The following MGA variants were observed in gnomAD, a reference collection of about 807,000 sequenced individuals.
MGA encodes MAX gene-associated protein.
A neutral mutation model predicts 261.1 loss-of-function variants in MGA; 40 were observed. That is an observed-to-expected ratio of 0.15 (90% CI 0.12 to 0.20). MGA has a LOEUF of 0.20. Ranked by LOEUF, MGA falls within the 10% of genes least tolerant of loss-of-function variation. MGA has a pLI of 1.00. For missense variants in MGA, 3,397 were observed against 3,630.5 expected, an observed-to-expected ratio of 0.94 and a Z score of 1.65; for synonymous variants, 1,302 against 1,290.6, an observed-to-expected ratio of 1.01 and a Z score of -0.19.
Position 41,710,950 on chromosome 15 carries a change from T to C in MGA, c.2685T>C (p.Ser895=), listed in dbSNP as rs1567015079. The C allele has an allele frequency of 2.5e-6, 4 of 1,613,998 alleles. No homozygotes were observed. The highest frequency in any genetic ancestry group is 3.4e-6 in the Non-Finnish European group (4 of 1,179,888). The change falls in exon 8 of 24, where the codon TCT becomes TCC. Residue 895 remains serine (S), a synonymous_variant. Coordinates refer to ENST00000219905, the MANE Select transcript of MGA (RefSeq NM_001164273.2). ...AACCTCATTCTGTACCCCCTGTCTC[T>C]CGAAAGGCAAAGTCTCAAAACAGAC...
chr15:41,677,618 T>C (rs2058454287), intron 2 of MGA, among the ~76,000 whole-genome samples: 1 of 152,254 alleles, frequency 6.6e-6, no homozygotes. Context: ...CTTAACTGTT[T>C]TTAATAATAG....
chr15:41,670,682 A>G (rs2058002793), intron 2 of MGA, among the ~76,000 whole-genome samples: 1 of 151,772 alleles, frequency 6.6e-6, no homozygotes, highest in Non-Finnish European at 1.5e-5. Flanking sequence ...ATTTTTCTAT[A>G]TTTTTGGTAG....
rs568887052 is a variant in MGA, at chr15:41,718,872, A to G, written c.3430+5376A>G. ...GGAATGAGGAAGAATGCCCATTTTT[A>G]CCACTTCTGTTTAACGTTATGTACA... On this transcript the variant is annotated intron_variant, in intron 9 of 23. Coordinates refer to ENST00000219905, the MANE Select transcript of MGA (RefSeq NM_001164273.2). Among the ~76,000 whole-genome samples the G allele has an allele frequency of 6.6e-5, 10 of 152,278 alleles. No homozygotes were observed. In the South Asian group the frequency reaches 1.9e-3, roughly 28 times the overall value.
chr15:41,631,647 C>T (rs1016533755), intron 1 of MGA, among the ~76,000 whole-genome samples: 1 of 151,994 alleles, frequency 6.6e-6, no homozygotes, highest in African/African-American at 2.4e-5. Flanking sequence ...TGTCTTTCCA[C>T]TTAAAGGGGT....
intron 19 of MGA, 79 bp downstream of exon 19, chr15:41,757,918 C>T (rs2063235849): frequency 2.4e-6 from 3 of 1,235,682 alleles, no homozygotes; most frequent in Non-Finnish European, 2.3e-6. Context: ...ACAACATTAG[C>T]TATATTAGCC....
At chr15:41,742,362 C>G (rs2062161999) in intron 14 of MGA, among the ~76,000 whole-genome samples, 184 bp from the exon 15 acceptor site, 1 of 151,878 alleles carries the variant, frequency 6.6e-6, no homozygotes, top group Non-Finnish European at 1.5e-5. Context: ...GCACTCTAGC[C>G]TGGGCAACAA....
At chr15:41,637,533 G>C (rs2056735328) in intron 1 of MGA, among the ~76,000 whole-genome samples, 1 of 152,134 alleles carries the variant, frequency 6.6e-6, no homozygotes, top group African/African-American at 2.4e-5. Flanking sequence ...GTTAGGTAAA[G>C]GCTCCCAGAA....
Position 41,754,579 on chromosome 15 carries a change from T to C in MGA, c.7139+12T>C. 6.4e-7 allele frequency: 1 copy of C among 1,555,808 alleles called. No homozygotes were observed. The highest frequency in any genetic ancestry group is 8.7e-7 in the Non-Finnish European group (1 of 1,152,362). ...TCATTCAAACAGCCGTAAGTCTTAT[T>C]TCTCTTTGGATTGTTGTTTTTGTAG... On this transcript the variant is annotated intron_variant, in intron 18 of 23. Coordinates refer to ENST00000219905, the MANE Select transcript of MGA (RefSeq NM_001164273.2).
At chr15:41,641,565 C>T (rs2056820415) in intron 1 of MGA, among the ~76,000 whole-genome samples, 2 of 148,676 alleles carry the variant, frequency 1.3e-5, no homozygotes, top group African/African-American at 5.0e-5. Flanking sequence ...TCTTAGCTCA[C>T]TGCAACCTCT....
At chr15:41,663,760 C>A (rs1011270390) in intron 1 of MGA, among the ~76,000 whole-genome samples, 3 of 152,042 alleles carry the variant, frequency 2.0e-5, no homozygotes, top group African/African-American at 7.2e-5. Flanking sequence ...CGCGAGCCAC[C>A]GCTCCCGGCC....
At chr15:41,708,748 C>G (rs1464823011) in intron 7 of MGA, among the ~76,000 whole-genome samples, 1 of 152,164 alleles carries the variant, frequency 6.6e-6, no homozygotes, top group African/African-American at 2.4e-5. Context: ...AACAGCATTT[C>G]TGTTATTTCT....
intron 13 of MGA, among the ~76,000 whole-genome samples, chr15:41,739,274 A>G (rs2061961053): frequency 6.6e-6 from 1 of 152,218 alleles, no homozygotes; most frequent in Admixed American, 6.5e-5. Flanking sequence ...AATTATGTCT[A>G]GAATAAGAAT....
intron 9 of MGA, among the ~76,000 whole-genome samples, chr15:41,725,506 T>C (rs1178575934): frequency 5.9e-5 from 9 of 152,084 alleles, no homozygotes; most frequent in Non-Finnish European, 1.2e-4. Context: ...TGCCACTACT[T>C]GGGCAACAGA....
Position 41,756,977 on chromosome 15 carries a change from T to TTA in MGA, c.7140-810_7140-809dup, listed in dbSNP as rs1595997261. On this transcript the variant is annotated intron_variant, in intron 18 of 23. Coordinates refer to ENST00000219905, the MANE Select transcript of MGA (RefSeq NM_001164273.2). Reference sequence around the variant, plus strand: ...ATATTTAAAGTGGTACTTTTTTTGTTTAGATATATATATATATATTTCTAG... The same window carrying TTA: ...ATATTTAAAGTGGTACTTTTTTTGTTTATAGATATATATATATATATTTCTAG... Among the ~76,000 whole-genome samples, 4 of 63,296 alleles carry TTA rather than the reference T, an allele frequency of 6.3e-5. No homozygotes were observed. In the South Asian group the frequency reaches 2.5e-3, roughly 39 times the overall value. The allele number at this position is 63,296 out of a possible 152,430, so 41.5% of individuals were successfully genotyped here.
At chr15:41,759,482 T>G (rs1408816428) in intron 19 of MGA, among the ~76,000 whole-genome samples, 1 of 148,640 alleles carries the variant, frequency 6.7e-6, no homozygotes, top group Admixed American at 6.7e-5. Flanking sequence ...TTTTTTTTTT[T>G]TGTAAAGATG....
chr15:41,737,776 T>TG (rs1313403338), intron 13 of MGA, among the ~76,000 whole-genome samples: 3 of 151,366 alleles, frequency 2.0e-5, no homozygotes, highest in Non-Finnish European at 2.9e-5. Flanking sequence ...GGCAAGGAGT[T>TG]TGAGACTAGC....
In MGA at chr15:41,740,143, A is replaced by G. The variant is rs769513207; in HGVS notation, c.4525A>G (p.Thr1509Ala). 1.4e-5 allele frequency: 23 copies of G among 1,614,042 alleles called. No homozygotes were observed. The South Asian group carries it at 2.2e-4, about 15-fold the overall frequency. Reference sequence around the variant, plus strand: ...TTCCAAAATGGCATCCTCCTCTGGCACTGCAACAAATCGCCCTGGGAAGAA... The same window carrying G: ...TTCCAAAATGGCATCCTCCTCTGGCGCTGCAACAAATCGCCCTGGGAAGAA... Residue 1509 changes from threonine (T) to alanine (A), a missense_variant, in exon 14 of 24, where the codon ACT becomes GCT. Transcript: ENST00000219905.
chr15:41,625,262 ATAAAGT>A (rs1173863344), intron 1 of MGA, among the ~76,000 whole-genome samples: 7 of 152,138 alleles, frequency 4.6e-5, no homozygotes, highest in Admixed American at 2.0e-4. Flanking sequence ...CAGAAACATG[ATAAAGT>A]TAAAAGACAA....
chr15:41,680,987 G>A (rs142982685), intron 2 of MGA, among the ~76,000 whole-genome samples: 1 of 152,276 alleles, frequency 6.6e-6, no homozygotes, highest in East Asian at 1.9e-4. Flanking sequence ...TACAGGTCAT[G>A]TCATTAGCTT....
Sources: gnomAD v4.1 joint callset for allele counts (sites outside exome capture counted in the v4.1 genomes callset) on GRCh38, gnomAD v4.1.1 for gene constraint, MANE v1.5 for transcripts, NCBI Gene and HGNC (gene_info 2026-07-23, HGNC 2026-07-21) for gene names.